TTF1: variants seen among roughly 807,000 people sequenced by gnomAD.
The protein encoded by TTF1 is transcription termination factor, RNA polymerase I.
Under a neutral mutation model 80.2 loss-of-function variants are expected in TTF1, and 64 were observed. That is an observed-to-expected ratio of 0.80 (90% CI 0.65 to 0.98). The LOEUF (loss-of-function observed/expected upper bound fraction) is 0.98. TTF1 is among the 50% of genes least tolerant of loss of function. The pLI, the probability that TTF1 is intolerant of heterozygous loss-of-function variation, is 0.00. For missense variants in TTF1, 1,023 were observed against 1,086.2 expected, an observed-to-expected ratio of 0.94 and a Z score of 0.82; for synonymous variants, 372 against 382.7, an observed-to-expected ratio of 0.97 and a Z score of 0.33.
chr9:132,392,323 A>AC (rs1849574509), intron 5 of TTF1, 117 bp from the exon 6 acceptor site: 9 of 1,222,838 alleles, frequency 7.4e-6, no homozygotes, highest in Non-Finnish European at 1.0e-5. Flanking sequence ...CTGTCAGGGA[A>AC]CCCGGTCACA....
chr9:132,391,201 G>A (rs1378570762), intron 6 of TTF1, among the ~76,000 whole-genome samples: 3 of 152,152 alleles, frequency 2.0e-5, no homozygotes, highest in Non-Finnish European at 2.9e-5. Flanking sequence ...CATGTCTCTT[G>A]GCCAAGAGTT....
At chr9:132,393,830 A>C (rs1849601366) in intron 5 of TTF1, among the ~76,000 whole-genome samples, 1 of 152,224 alleles carries the variant, frequency 6.6e-6, no homozygotes, top group Admixed American at 6.5e-5. Context: ...ATTTAAATAA[A>C]TAAAAAGCAA....
At chr9:132,389,857 A>G (rs1034336993) in intron 7 of TTF1, among the ~76,000 whole-genome samples, 1 of 152,210 alleles carries the variant, frequency 6.6e-6, no homozygotes, top group African/African-American at 2.4e-5. Context: ...GAGCATGCCT[A>G]CCTCGCTTCA....
intron 5 of TTF1, among the ~76,000 whole-genome samples, chr9:132,393,757 T>C (rs937599651): frequency 2.0e-5 from 3 of 152,152 alleles, no homozygotes; most frequent in Admixed American, 1.3e-4. Context: ...CAAACACATA[T>C]ATTAAAGTAC....
rs117165030 is a variant in TTF1 at position 132,389,662 on chromosome 9, G to A, written c.2222+935C>T. Among the ~76,000 whole-genome samples the A allele has an allele frequency of 3.2e-4, 48 of 152,284 alleles. 1 individual carries two copies. The East Asian group carries it at 9.1e-3, about 29-fold the overall frequency. ...TTTTACTCCTATTTATTATTCAAGA[G>A]CCACTGAGTGCCCTTCATGTGCAAG... On this transcript the variant is annotated intron_variant, in intron 7 of 10. Coordinates refer to ENST00000334270, the MANE Select transcript of TTF1 (RefSeq NM_007344.4).
At chr9:132,385,093 T>TA (rs1564184527) in intron 9 of TTF1, among the ~76,000 whole-genome samples, 2 of 152,164 alleles carry the variant, frequency 1.3e-5, no homozygotes, top group Non-Finnish European at 2.9e-5. Flanking sequence ...TACACACAAC[T>TA]AAAACGTTCT....
intron 7 of TTF1, 37 bp from the exon 8 acceptor site, chr9:132,388,265 A>C: frequency 1.4e-6 from 2 of 1,462,212 alleles, no homozygotes; most frequent in Non-Finnish European, 1.9e-6. Flanking sequence ...TTTACTTTCA[A>C]GGGTAGAGTT....
At chr9:132,377,023 G>A (rs1375504260) in intron 10 of TTF1, among the ~76,000 whole-genome samples, 2 of 152,174 alleles carry the variant, frequency 1.3e-5, no homozygotes, top group Admixed American at 6.5e-5. Flanking sequence ...GATGATCTGA[G>A]TTTGGGACTT....
chr9:132,403,701 G>A (rs987773917), intron 1 of TTF1, among the ~76,000 whole-genome samples: 14 of 152,096 alleles, frequency 9.2e-5, no homozygotes, highest in African/African-American at 3.4e-4. Context: ...AAGAAAACAA[G>A]GAAGAAAAAG....
chr9:132,376,263 G>T (rs1849175203), intron 10 of TTF1, 95 bp from the exon 11 acceptor site: 7 of 1,317,590 alleles, frequency 5.3e-6, no homozygotes, highest in Non-Finnish European at 2.0e-6. Context: ...AATATGAACT[G>T]CTCTTGTTAT....
chr9:132,380,628 C>T (rs1026800527), intron 9 of TTF1, among the ~76,000 whole-genome samples: 18 of 152,184 alleles, frequency 1.2e-4, no homozygotes, highest in South Asian at 2.1e-4. Flanking sequence ...CTGATCTGGA[C>T]GTTTTAAAAC....
At position 132,400,119 on chromosome 9, in the gene TTF1, G is replaced by C. The variant is rs776252808; in HGVS notation, c.1507C>G (p.Pro503Ala). The C allele has an allele frequency of 1.5e-5, 24 of 1,614,116 alleles. No homozygotes were observed. Among genetic ancestry groups the C allele is most frequent in the Non-Finnish European group, 1.9e-5 (23 of 1,180,038 alleles). ...SAVKQLQEFI[P>A]NIKDRATSTI... Reference sequence around the variant, plus strand: ...CTGGTGGCCCTGTCCTTGATGTTAGGAATGAACTCCTGAAGCTGTTTCACG... The same window carrying C: ...CTGGTGGCCCTGTCCTTGATGTTAGCAATGAACTCCTGAAGCTGTTTCACG... The change falls in exon 3 of 11, where the codon CCT (proline) becomes GCT (alanine). Residue 503 changes from proline (P) to alanine (A), a missense_variant. Pro to Ala is a conservative substitution (Grantham distance 27). Transcript: ENST00000334270.
intron 9 of TTF1, among the ~76,000 whole-genome samples, chr9:132,385,097 A>C (rs1453513793): frequency 6.6e-6 from 1 of 152,132 alleles, no homozygotes; most frequent in Non-Finnish European, 1.5e-5. Flanking sequence ...CACAACTAAA[A>C]CGTTCTAACT....
intron 5 of TTF1, among the ~76,000 whole-genome samples, chr9:132,392,496 A>AC (rs1264120604): frequency 1.3e-5 from 2 of 151,782 alleles, no homozygotes; most frequent in Non-Finnish European, 2.9e-5. Flanking sequence ...GCCTTCCTCC[A>AC]CCCGACCTGG....
intron 2 of TTF1, 26 bp from the exon 3 acceptor site, chr9:132,400,284 C>T: frequency 6.3e-7 from 1 of 1,582,108 alleles, no homozygotes; most frequent in African/African-American, 1.3e-5. Flanking sequence ...ATTGGGTTGA[C>T]TAACATTAAC....
chr9:132,392,093 A>T lies in TTF1; in HGVS notation c.1970T>A (p.Phe657Tyr). The stretch of plus-strand genomic sequence containing the variant: ...CCACTTACGACTGCTGATCTGTGAG[A>T]ACTTGAGGGCCACGGAGAGGCTACT... ...ARSSLSVALK[F>Y]SQISSQRNRG... The change falls in exon 6 of 11, where the codon TTC (phenylalanine) becomes TAC (tyrosine). Residue 657 changes from phenylalanine (F) to tyrosine (Y), a missense_variant. Transcript: ENST00000334270. The T allele has an allele frequency of 1.2e-6, 2 of 1,613,928 alleles. No individual in the cohort carries two copies. Among genetic ancestry groups the T allele is most frequent in the Non-Finnish European group, 1.7e-6 (2 of 1,180,012 alleles).
At chr9:132,378,149 G>C (rs1384133891) in intron 10 of TTF1, among the ~76,000 whole-genome samples, 2 of 115,592 alleles carry the variant, frequency 1.7e-5, no homozygotes, top group Non-Finnish European at 3.8e-5. Context: ...AGTGCATGTG[G>C]TGTGTGTGAG....
Position 132,402,031 on chromosome 9 carries a change from G to A in TTF1, c.791C>T (p.Pro264Leu), listed in dbSNP as rs749031876. The change falls in exon 2 of 11, where the codon CCA becomes CTA. Residue 264 changes from proline (P) to leucine (L), a missense_variant. Pro to Leu is a moderately conservative substitution (Grantham distance 98). Coordinates refer to ENST00000334270, the MANE Select transcript of TTF1 (RefSeq NM_007344.4). ...TTTGTGAGTAGGTCCTAGTAGTTGT[G>A]GAGTTTCATCATCCAAGCCCACAGT... ...QPTVGLDDET[P>L]QLLGPTHKKK... 5.0e-6 allele frequency: 8 copies of A among 1,613,786 alleles called. No homozygotes were observed. Among genetic ancestry groups the A allele is most frequent in the Non-Finnish European group, 6.8e-6 (8 of 1,179,986 alleles).
rs143690313 is a variant in TTF1, at chr9:132,401,661, C to T, written c.1161G>A (p.Lys387=). The change falls in exon 2 of 11, where the codon AAG becomes AAA. Residue 387 remains lysine, a synonymous_variant. Coordinates refer to ENST00000334270, the MANE Select transcript of TTF1 (RefSeq NM_007344.4). ...ACGTAAGCTTCCTTTTCTTAGACTT[C>T]TTCTTTGTACTGTTGGATTCCTTGA... The part of the protein sequence containing the change: ...KGFKESNSTK[K]KSKKRKLTSV... 9 of 1,614,110 alleles carry T rather than the reference C, an allele frequency of 5.6e-6. No homozygotes were observed. Among genetic ancestry groups the T allele is most frequent in the East Asian group, 2.2e-5 (1 of 44,896 alleles).
Sources: allele counts gnomAD v4.1 joint callset (sites outside exome capture counted in the v4.1 genomes callset), GRCh38; gene constraint gnomAD v4.1.1; transcripts MANE v1.5; gene names NCBI Gene and HGNC (gene_info 2026-07-23, HGNC 2026-07-21).